The following LRP6 variants were observed in gnomAD, a reference collection of about 807,000 sequenced individuals.
LRP6 encodes LDL receptor related protein 6.
LRP6 carries 43 observed loss-of-function variants against 184.1 expected under a neutral mutation model. That is an observed-to-expected ratio of 0.23 (90% CI 0.18 to 0.30). LRP6 has a LOEUF of 0.30. Ranked by LOEUF, LRP6 falls within the 10% of genes least tolerant of loss-of-function variation. The pLI, the probability that LRP6 is intolerant of heterozygous loss-of-function variation, is 1.00. For missense variants in LRP6, 1,571 were observed against 2,005.3 expected (o/e 0.78, Z 4.14); for synonymous variants, 719 against 684.9 (o/e 1.05, Z -0.78).
chr12:12,141,052 C>T (rs1949927287), intron 15 of LRP6, among the ~76,000 whole-genome samples: 1 of 151,946 alleles, frequency 6.6e-6, no homozygotes, highest in Non-Finnish European at 1.5e-5. Flanking sequence ...ACAGAAAAAC[C>T]TTAGCAAAGA....
intron 1 of LRP6, among the ~76,000 whole-genome samples, chr12:12,260,509 C>A (rs1865587516): frequency 6.6e-6 from 1 of 151,978 alleles, no homozygotes; most frequent in Non-Finnish European, 1.5e-5. Context: ...ATTCCAAAAC[C>A]ACTGGCCTAA....
intron 2 of LRP6, among the ~76,000 whole-genome samples, chr12:12,237,816 G>A (rs934450078): frequency 4.6e-5 from 7 of 152,232 alleles, no homozygotes; most frequent in Admixed American, 2.0e-4. Context: ...AGAAAAGGCC[G>A]AGGAGATAAC....
chr12:12,234,457 A>G (rs576547723), intron 2 of LRP6, among the ~76,000 whole-genome samples: 6 of 152,244 alleles, frequency 3.9e-5, no homozygotes, highest in Non-Finnish European at 7.4e-5. Flanking sequence ...CTCAAAAAAA[A>G]AAAGTTAAGT....
chr12:12,172,490 C>T (rs1416128909), intron 7 of LRP6, among the ~76,000 whole-genome samples: 5 of 152,154 alleles, frequency 3.3e-5, no homozygotes, highest in Admixed American at 3.3e-4. Flanking sequence ...AAGACAAGTT[C>T]AAGGAACAGA....
chr12:12,198,845 G>T (rs2137032066), intron 3 of LRP6, among the ~76,000 whole-genome samples: 1 of 151,858 alleles, frequency 6.6e-6, no homozygotes, highest in Non-Finnish European at 1.5e-5. Context: ...CTAATCTTAT[G>T]TTATCCTTTC....
At chr12:12,138,975 C>T (rs1329189009) in intron 15 of LRP6, 1 of 1,353,198 alleles carries the variant, frequency 7.4e-7, no homozygotes, top group Non-Finnish European at 9.9e-7. Flanking sequence ...CTGACTCACC[C>T]CAAGGTAAGA....
chr12:12,180,925 A>T, intron 6 of LRP6, 118 bp downstream of exon 6: 1 of 1,069,276 alleles, frequency 9.4e-7, no homozygotes, highest in Non-Finnish European at 1.4e-6. Context: ...ATAGACAGCC[A>T]TTAAAGAGCT....
chr12:12,164,299 T>C lies in LRP6; in HGVS notation c.2026A>G (p.Ile676Val), dbSNP rs188649737. ...TTGAGTGATATATCAGTCCAATAAATTCGGTTGTCTGTCACATCAAAATCC... is the reference window on the plus strand; with the variant it reads ...TTGAGTGATATATCAGTCCAATAAACTCGGTTGTCTGTCACATCAAAATCC... ...ALDFDVTDNR[I>V]YWTDISLKTI... Residue 676 changes from isoleucine (I) to valine (V), a missense_variant, in exon 9 of 23, where the codon ATT becomes GTT. By Grantham distance (29) the Ile-to-Val change is conservative. Coordinates refer to ENST00000261349, the MANE Select transcript of LRP6 (RefSeq NM_002336.3). 2.8e-5 allele frequency: 46 copies of C among 1,614,098 alleles called. 1 individual carries two copies. In the Admixed American group the frequency reaches 7.7e-4, roughly 27 times the overall value.
chr12:12,219,471 G>A (rs1442457293), intron 2 of LRP6, among the ~76,000 whole-genome samples: 3 of 152,128 alleles, frequency 2.0e-5, no homozygotes, highest in African/African-American at 7.2e-5. Flanking sequence ...CCAAAGTGCT[G>A]GGATTACAGG....
chr12:12,246,974 C>T (rs752713819), intron 1 of LRP6, among the ~76,000 whole-genome samples: 30 of 152,180 alleles, frequency 2.0e-4, no homozygotes, highest in Non-Finnish European at 2.9e-4. Context: ...AACTGGCAGA[C>T]AGCTTTTTTA....
chr12:12,240,588 A>T (rs970257088), intron 2 of LRP6, among the ~76,000 whole-genome samples: 4 of 152,086 alleles, frequency 2.6e-5, no homozygotes, highest in Non-Finnish European at 5.9e-5. Context: ...AAATAAATAA[A>T]TAATAAATAA....
intron 2 of LRP6, among the ~76,000 whole-genome samples, chr12:12,221,536 T>C (rs556374412): frequency 6.6e-6 from 1 of 152,324 alleles, no homozygotes; most frequent in African/African-American, 2.4e-5. Context: ...GAGAATGACC[T>C]AAGAAATTTA....
intron 11 of LRP6, 115 bp downstream of exon 11, chr12:12,159,665 G>A: frequency 1.1e-6 from 1 of 947,996 alleles, no homozygotes; most frequent in South Asian, 1.4e-5. Context: ...AACAGAAGAA[G>A]AATGGACACA....
intron 10 of LRP6, among the ~76,000 whole-genome samples, chr12:12,161,805 GT>G (rs916099227): frequency 6.6e-6 from 1 of 151,116 alleles, no homozygotes; most frequent in African/African-American, 2.4e-5. Context: ...TTTAAATGTA[GT>G]TTTTTCTTAG....
rs529024652 is a variant in LRP6 at position 12,175,793 on chromosome 12, T to C, written c.1545+4017A>G. ...GAGAAATTTAGCATTGACAATACTA[T>C]TGTTTTCAATAAAACCAACTATTAG... On this transcript the variant is annotated intron_variant, in intron 7 of 22. Transcript: ENST00000261349. Among the ~76,000 whole-genome samples, 13 of 151,424 alleles carry C rather than the reference T, an allele frequency of 8.6e-5. No individual in the cohort carries two copies. The East Asian group carries it at 1.2e-3, about 13-fold the overall frequency.
chr12:12,214,679 G>A (rs1864293027), intron 2 of LRP6, among the ~76,000 whole-genome samples: 1 of 152,162 alleles, frequency 6.6e-6, no homozygotes. Flanking sequence ...ATTTCTGTAA[G>A]CAAGCATAGA....
chr12:12,145,431 T>C (rs1949990896), intron 15 of LRP6, among the ~76,000 whole-genome samples: 1 of 152,070 alleles, frequency 6.6e-6, no homozygotes, highest in Non-Finnish European at 1.5e-5. Flanking sequence ...AGTATGCTAA[T>C]GCTCCAGACT....
At chr12:12,151,541 T>C (rs1035635511) in intron 12 of LRP6, among the ~76,000 whole-genome samples, 5 of 152,014 alleles carry the variant, frequency 3.3e-5, no homozygotes, top group African/African-American at 1.2e-4. Context: ...CTTAAGTCAC[T>C]GAGCCTCTCT....
Position 12,164,407 on chromosome 12 carries a change from C to T in LRP6, c.1918G>A (p.Ala640Thr), listed in dbSNP as rs1862819267. 6.2e-7 allele frequency: 1 copy of T among 1,614,144 alleles called. No individual in the cohort carries two copies. Among genetic ancestry groups the T allele is most frequent in the Non-Finnish European group, 8.5e-7 (1 of 1,180,036 alleles). ...TCCAGAGAAATTCGTCTGATATCTG[C>T]TCTCCGTGAAAACAAAAGGAAAGCC... is the stretch of plus-strand genomic sequence containing the variant. ...PEAFLLFSRR[A>T]DIRRISLETN... The change falls in exon 9 of 23, where the codon GCA becomes ACA. Residue 640 changes from alanine to threonine, a missense_variant. By Grantham distance (58) the Ala-to-Thr change is moderately conservative. Around this residue, in one of 4 missense-constraint regions of LRP6, gnomAD observed 640 missense variants for 851.9 expected, o/e 0.75. Transcript: ENST00000261349.
Sources: gnomAD v4.1 joint callset for allele counts (sites outside exome capture counted in the v4.1 genomes callset) on GRCh38, gnomAD v4.1.1 for gene constraint, gnomAD v4.1.1 regional missense constraint, MANE v1.5 for transcripts, NCBI Gene and HGNC (gene_info 2026-07-23, HGNC 2026-07-21) for gene names.